ZNF536: variants seen among roughly 807,000 people sequenced by gnomAD.
ZNF536 encodes zinc finger protein 536.
A neutral mutation model predicts 84.5 loss-of-function variants in ZNF536; 13 were observed. That is an observed-to-expected ratio of 0.15 (90% CI 0.10 to 0.24). ZNF536 has a LOEUF of 0.24. Ranked by LOEUF, ZNF536 falls within the 10% of genes least tolerant of loss-of-function variation. The probability of loss-of-function intolerance (pLI) is 1.00; values close to 1 mark genes in which losing one functional copy is unlikely to be tolerated. For missense variants in ZNF536, 1,536 were observed against 1,747.5 expected (o/e 0.88, Z 2.16); for synonymous variants, 811 against 742.5 (o/e 1.09, Z -1.50).
At chr19:30,442,195 G>A (rs1005849509) in intron 1 of ZNF536, among the ~76,000 whole-genome samples, 3 of 152,216 alleles carry the variant, frequency 2.0e-5, no homozygotes, top group Non-Finnish European at 4.4e-5. Flanking sequence ...CCCAGGCAGG[G>A]GTTCATTGCC....
chr19:30,495,555 T>A (rs1391785154), intron 2 of ZNF536, among the ~76,000 whole-genome samples: 1 of 152,154 alleles, frequency 6.6e-6, no homozygotes, highest in Admixed American at 6.5e-5. Flanking sequence ...CATAGAATCA[T>A]CTGATGGAGA....
chr19:30,535,118 G>A lies in ZNF536; in HGVS notation c.2323+119G>A, dbSNP rs895090622. On this transcript the variant is annotated intron_variant, in intron 3 of 4. Coordinates refer to ENST00000355537, the MANE Select transcript of ZNF536 (RefSeq NM_014717.3). ...TCACTAACTCTGGAAGGTTCTCCCTGGGCCTGTCTAGCCACCATTGTATGG... is the reference window on the plus strand; with the variant it reads ...TCACTAACTCTGGAAGGTTCTCCCTAGGCCTGTCTAGCCACCATTGTATGG... The A allele has an allele frequency of 2.6e-5, 32 of 1,226,704 alleles. No individual in the cohort carries two copies. The East Asian group carries it at 3.0e-4, about 12-fold the overall frequency. The allele number at this position is 1,226,704 out of a possible 1,614,324, so 76.0% of individuals were successfully genotyped here.
intron 1 of ZNF536, among the ~76,000 whole-genome samples, chr19:30,566,702 C>G (rs2146495210): frequency 7.1e-6 from 1 of 141,294 alleles, no homozygotes; most frequent in South Asian, 2.3e-4. Context: ...CCCCTCTGGA[C>G]AGTGGAGGTC....
chr19:30,418,365 G>A (rs1172416736), intron 1 of ZNF536, among the ~76,000 whole-genome samples: 1 of 152,174 alleles, frequency 6.6e-6, no homozygotes, highest in Non-Finnish European at 1.5e-5. Flanking sequence ...CATTCCCACC[G>A]TGGGTGCAGC....
chr19:30,236,532 G>GT (rs1555771910), intron 1 of ZNF536, among the ~76,000 whole-genome samples: 4 of 149,290 alleles, frequency 2.7e-5, no homozygotes, highest in African/African-American at 9.8e-5. Context: ...GTTGGGGCGG[G>GT]GGGGGGGTAC....
intron 1 of ZNF536, among the ~76,000 whole-genome samples, chr19:30,644,369 T>C (rs551381423): frequency 4.4e-4 from 67 of 151,124 alleles, no homozygotes; most frequent in African/African-American, 1.6e-3. Context: ...ATTTCTTTCT[T>C]TTTTTTTTAA....
intron 3 of ZNF536, among the ~76,000 whole-genome samples, chr19:30,544,455 G>A (rs1341910314): frequency 6.6e-6 from 1 of 152,184 alleles, no homozygotes; most frequent in African/African-American, 2.4e-5. Flanking sequence ...CTGGAGCAGT[G>A]AGGGCCAAGG....
chr19:30,453,244 A>G (rs377520994), intron 2 of ZNF536, among the ~76,000 whole-genome samples: 1 of 152,182 alleles, frequency 6.6e-6, no homozygotes, highest in East Asian at 1.9e-4. Flanking sequence ...CTTGGGCAGA[A>G]CCTGCTCACT....
intron 3 of ZNF536, among the ~76,000 whole-genome samples, chr19:30,362,043 G>C (rs1406647898): frequency 6.6e-6 from 1 of 150,742 alleles, no homozygotes; most frequent in African/African-American, 2.4e-5. Flanking sequence ...ACTGTACTGC[G>C]GGTGTCTGTC....
At chr19:30,485,161 A>AATAAATAAATAC (rs1555779927) in intron 2 of ZNF536, among the ~76,000 whole-genome samples, 1 of 151,660 alleles carries the variant, frequency 6.6e-6, no homozygotes, top group Non-Finnish European at 1.5e-5. Flanking sequence ...TAAATAAATA[A>AATAAATAAATAC]ATAAATAAAT....
intron 1 of ZNF536, among the ~76,000 whole-genome samples, chr19:30,678,363 G>C (rs1430750905): frequency 1.3e-5 from 2 of 152,170 alleles, no homozygotes; most frequent in Non-Finnish European, 2.9e-5. Context: ...TTCTGAGCCT[G>C]GATATCGGTG....
intron 2 of ZNF536, among the ~76,000 whole-genome samples, chr19:30,496,226 C>G (rs796143949): frequency 6.6e-6 from 1 of 152,110 alleles, no homozygotes; most frequent in African/African-American, 2.4e-5. Context: ...TAGCTCAGTC[C>G]CTACAAACTT....
chr19:30,562,546 C>G (rs531866783), downstream of ZNF536, among the ~76,000 whole-genome samples: 6 of 152,192 alleles, frequency 3.9e-5, no homozygotes, highest in South Asian at 1.2e-3. Flanking sequence ...TGACTTTTTT[C>G]TCTTTTATTT....
In ZNF536 at chr19:30,485,265, CA is replaced by C. The variant is rs534609963; in HGVS notation, c.2170+39535del. Among the ~76,000 whole-genome samples, 37 of 152,286 alleles carry C rather than the reference CA, an allele frequency of 2.4e-4. No individual in the cohort carries two copies. In the South Asian group the frequency reaches 4.4e-3, roughly 18 times the overall value. On this transcript the variant is annotated intron_variant, in intron 2 of 4. Transcript: ENST00000355537. ...GTTTCCTTCTTCCCATGGTTTCCTTCAAGCCTCTAGCTATTTTTTTGGTAAC... is the reference window on the plus strand; with the variant it reads ...GTTTCCTTCTTCCCATGGTTTCCTTCAGCCTCTAGCTATTTTTTTGGTAAC...
intron 2 of ZNF536, among the ~76,000 whole-genome samples, chr19:30,516,036 A>G (rs896404334): frequency 2.0e-4 from 30 of 151,740 alleles, no homozygotes; most frequent in Non-Finnish European, 4.0e-4. Context: ...CAAAAAAAAA[A>G]AAAAAAGAAA....
chr19:30,346,500 C>T (rs912401337), intron 2 of ZNF536, among the ~76,000 whole-genome samples: 1 of 152,164 alleles, frequency 6.6e-6, no homozygotes, highest in African/African-American at 2.4e-5. Context: ...CCACCCTCCA[C>T]CCTCTGAGAG....
intron 1 of ZNF536, among the ~76,000 whole-genome samples, chr19:30,245,358 C>T (rs1267589215): frequency 6.6e-6 from 1 of 152,248 alleles, no homozygotes; most frequent in Non-Finnish European, 1.5e-5. Context: ...CTTCCCTCCA[C>T]AGGACTAGAC....
intron 2 of ZNF536, among the ~76,000 whole-genome samples, chr19:30,446,164 G>T (rs964670676): frequency 3.5e-5 from 5 of 143,838 alleles, no homozygotes; most frequent in African/African-American, 5.2e-5. Flanking sequence ...CAGGAGAATC[G>T]CTTGAGCCCG....
chr19:30,678,453 T>C (rs1400397585), intron 1 of ZNF536, among the ~76,000 whole-genome samples: 2 of 152,216 alleles, frequency 1.3e-5, no homozygotes, highest in African/African-American at 2.4e-5. Context: ...GCACAAGCTC[T>C]GGCTTCCCTC....
Sources: gnomAD v4.1 joint callset for allele counts (sites outside exome capture counted in the v4.1 genomes callset) on GRCh38, gnomAD v4.1.1 for gene constraint, MANE v1.5 for transcripts, NCBI Gene and HGNC (gene_info 2026-07-23, HGNC 2026-07-21) for gene names.